Variants in SLC4A10 observed in about 807,000 individuals in gnomAD.
SLC4A10 encodes sodium-driven chloride bicarbonate exchanger.
A neutral mutation model predicts 137.7 loss-of-function variants in SLC4A10; 42 were observed. That is an observed-to-expected ratio of 0.30 (90% confidence interval 0.24 to 0.39). The LOEUF is 0.39. Ranked by LOEUF, SLC4A10 falls within the 10% of genes least tolerant of loss-of-function variation. The pLI, the probability that SLC4A10 is intolerant of heterozygous loss-of-function variation, is 1.00. For missense variants in SLC4A10, 925 were observed against 1,355.0 expected (o/e 0.68, Z 4.98); for synonymous variants, 474 against 464.1 (o/e 1.02, Z -0.27).
At chr2:161,859,300 T>TCTTTTCTTTC (rs199954968) in intron 5 of SLC4A10, among the ~76,000 whole-genome samples, 1 of 133,346 alleles carries the variant, frequency 7.5e-6, no homozygotes, top group Admixed American at 7.5e-5. Context: ...TCTTTTCTTT[T>TCTTTTCTTTC]TTTTTTTTTT....
Position 161,855,252 on chromosome 2 carries a change from G to T in SLC4A10, c.577+122G>T, listed in dbSNP as rs553237193. 65 of 820,790 alleles carry T rather than the reference G, an allele frequency of 7.9e-5. No individual in the cohort carries two copies. The South Asian group carries it at 8.7e-4, about 11-fold the overall frequency. 50.8% of individuals were successfully genotyped at this position (820,790 alleles called of 1,614,324 possible). A position where few individuals can be genotyped will look rare whatever the true frequency, so the allele number is the denominator to read the frequency against. ...CTAATTCTCATAATCACTGCATAAG[G>T]TCTTAAAAGTCATTTTCTTTTACCC... On this transcript the variant is annotated intron_variant, in intron 5 of 26. Coordinates refer to ENST00000446997, the MANE Select transcript of SLC4A10 (RefSeq NM_001178015.2).
intron 1 of SLC4A10, among the ~76,000 whole-genome samples, chr2:161,683,854 A>G (rs2041118433): frequency 1.3e-5 from 2 of 152,150 alleles, no homozygotes; most frequent in Admixed American, 6.5e-5. Context: ...TGAAAACCAC[A>G]TTCCATTTTT....
intron 1 of SLC4A10, among the ~76,000 whole-genome samples, chr2:161,670,417 T>C (rs527515897): frequency 6.6e-6 from 1 of 152,032 alleles, no homozygotes; most frequent in Non-Finnish European, 1.5e-5. Context: ...TCTGCTGGTC[T>C]AGATTTTGAG....
chr2:161,881,445 TG>T (rs1192932498), intron 9 of SLC4A10, among the ~76,000 whole-genome samples: 1 of 152,032 alleles, frequency 6.6e-6, no homozygotes, highest in Non-Finnish European at 1.5e-5. Context: ...TCTACAATTG[TG>T]TAATATTTGC....
chr2:161,671,364 A>G (rs1233718742), intron 1 of SLC4A10, among the ~76,000 whole-genome samples: 7 of 152,156 alleles, frequency 4.6e-5, no homozygotes, highest in Non-Finnish European at 1.0e-4. Context: ...TGAGAAATAA[A>G]TTTCTATTGT....
chr2:161,683,327 T>C (rs1207095960), intron 1 of SLC4A10, among the ~76,000 whole-genome samples: 1 of 152,188 alleles, frequency 6.6e-6, no homozygotes, highest in African/African-American at 2.4e-5. Context: ...TAAACTTTTG[T>C]TTAATAAATG....
chr2:161,743,160 T>C (rs1451678686), intron 1 of SLC4A10, among the ~76,000 whole-genome samples: 3 of 152,202 alleles, frequency 2.0e-5, no homozygotes, highest in Admixed American at 6.5e-5. Flanking sequence ...TGGTTGCCTG[T>C]GCTTTTTGGG....
chr2:161,945,922 A>G (rs2105786690), intron 16 of SLC4A10, among the ~76,000 whole-genome samples: 1 of 152,078 alleles, frequency 6.6e-6, no homozygotes, highest in East Asian at 1.9e-4. Flanking sequence ...TCACAAATTT[A>G]TAGATAATGT....
At chr2:161,945,887 T>C (rs1693706943) in intron 16 of SLC4A10, among the ~76,000 whole-genome samples, 1 of 151,990 alleles carries the variant, frequency 6.6e-6, no homozygotes, top group African/African-American at 2.4e-5. Flanking sequence ...ATGACTTTTA[T>C]ACCTGCAGAA....
In SLC4A10 at chr2:161,786,932, C is replaced by T. The variant is rs186548256; in HGVS notation, c.130+15878C>T. On this transcript the variant is annotated intron_variant, in intron 2 of 26. Coordinates refer to ENST00000446997, the MANE Select transcript of SLC4A10 (RefSeq NM_001178015.2). ...TATTGTTAGCTAGTTGCTTTGCAGT[C>T]TCAGTGGTGTAATTGCTTTATAGGA... 2.0e-4 allele frequency among the ~76,000 whole-genome samples: 30 copies of T among 151,778 alleles called. No individual in the cohort carries two copies. In the East Asian group the frequency reaches 5.8e-3, roughly 29 times the overall value.
chr2:161,749,051 G>A (rs1171775611), intron 1 of SLC4A10, among the ~76,000 whole-genome samples: 1 of 151,786 alleles, frequency 6.6e-6, no homozygotes, highest in African/African-American at 2.4e-5. Context: ...TGTAAATGAG[G>A]TTGTTTTCTT....
rs1699635057 is a variant in SLC4A10, at chr2:161,977,874, G to T, written c.*26+114G>T. 3 of 894,212 alleles carry T rather than the reference G, an allele frequency of 3.4e-6. No homozygotes were observed. In the African/African-American group the frequency reaches 5.2e-5, roughly 15 times the overall value. 55.4% of individuals were successfully genotyped at this position (894,212 alleles called of 1,614,324 possible). A position where few individuals can be genotyped will look rare whatever the true frequency, so the allele number is the denominator to read the frequency against. The stretch of plus-strand genomic sequence containing the variant: ...TGTGTGAGTTTTGGGGAGGCAAAAG[G>T]CATGGAGAGTGTTGGGCTCAGATCC... On this transcript the variant is annotated intron_variant, in intron 26 of 26. Transcript: ENST00000446997.
intron 1 of SLC4A10, among the ~76,000 whole-genome samples, chr2:161,656,351 T>A (rs2037528720): frequency 6.6e-6 from 1 of 152,200 alleles, no homozygotes; most frequent in Non-Finnish European, 1.5e-5. Context: ...TTCAACATAT[T>A]ACTAATTATA....
chr2:161,721,740 A>G (rs753400120), intron 1 of SLC4A10, among the ~76,000 whole-genome samples: 1 of 152,158 alleles, frequency 6.6e-6, no homozygotes, highest in Non-Finnish European at 1.5e-5. Flanking sequence ...CTGTCTTGCT[A>G]GGTTGGGGAA....
At position 161,904,812 on chromosome 2, in the gene SLC4A10, G is replaced by A; in HGVS notation, c.1654G>A (p.Gly552Arg). 7 of 1,613,912 alleles carry A rather than the reference G, an allele frequency of 4.3e-6. No homozygotes were observed. Among genetic ancestry groups the A allele is most frequent in the Non-Finnish European group, 4.2e-6 (5 of 1,179,866 alleles). The change falls in exon 14 of 27, where the codon GGG becomes AGG. Residue 552 changes from glycine (G) to arginine (R), a missense_variant. By Grantham distance (125) the Gly-to-Arg change is moderately radical. Coordinates refer to ENST00000446997, the MANE Select transcript of SLC4A10 (RefSeq NM_001178015.2). ...IESLFGASMT[G>R]IAYSLFGGQP... ...ATCTCTCTTTGGAGCATCCATGACC[G>A]GGATAGCCTATTCTCTCTTTGGTGG...
intron 1 of SLC4A10, among the ~76,000 whole-genome samples, chr2:161,692,804 G>A (rs766503741): frequency 4.9e-4 from 75 of 151,978 alleles, no homozygotes; most frequent in African/African-American, 1.7e-3. Context: ...TAACTAACTC[G>A]TCCAAGTTCG....
At chr2:161,758,373 TCTC>T (rs1393251531) in intron 1 of SLC4A10, among the ~76,000 whole-genome samples, 2 of 152,074 alleles carry the variant, frequency 1.3e-5, no homozygotes, top group East Asian at 3.9e-4. Context: ...TTGAAGTTCA[TCTC>T]CTCATGTTTT....
rs1330990644 is a variant in SLC4A10, at chr2:161,739,368, A to C, written c.49-31605A>C. Among the ~76,000 whole-genome samples the C allele has an allele frequency of 2.0e-5, 3 of 152,008 alleles. No homozygotes were observed. In the East Asian group the frequency reaches 5.8e-4, roughly 29 times the overall value. On this transcript the variant is annotated intron_variant, in intron 1 of 26. Coordinates refer to ENST00000446997, the MANE Select transcript of SLC4A10 (RefSeq NM_001178015.2). ...TTATCGCCTCCTATTTTGGCCAACC[A>C]ATGTTTTAATTTCCCATTTCACTTC...
chr2:161,650,046 A>C (rs1173154014), intron 1 of SLC4A10, among the ~76,000 whole-genome samples: 1 of 152,180 alleles, frequency 6.6e-6, no homozygotes, highest in African/African-American at 2.4e-5. Context: ...TTACATTCAT[A>C]TTTCACCAGT....
Sources: allele counts gnomAD v4.1 joint callset (sites outside exome capture counted in the v4.1 genomes callset), GRCh38; gene constraint gnomAD v4.1.1; transcripts MANE v1.5; gene names NCBI Gene and HGNC (gene_info 2026-07-23, HGNC 2026-07-21).